The following ESCO1 variants were observed in gnomAD, a reference collection of about 807,000 sequenced individuals.
ESCO1 encodes N-acetyltransferase ESCO1.
Under a neutral mutation model 83.5 loss-of-function variants are expected in ESCO1, and 33 were observed. That is an observed-to-expected ratio of 0.40 (90% CI 0.30 to 0.53). The LOEUF (loss-of-function observed/expected upper bound fraction) is 0.53, where lower values mean the gene tolerates loss of function less well. ESCO1 is among the 20% of genes least tolerant of loss of function. The pLI is 0.63. For missense variants in ESCO1, 855 were observed against 968.0 expected (o/e 0.88, Z 1.55); for synonymous variants, 332 against 324.3 (o/e 1.02, Z -0.25).
At chr18:21,555,512 G>C (rs1203846000) in intron 8 of ESCO1, among the ~76,000 whole-genome samples, 1 of 152,202 alleles carries the variant, frequency 6.6e-6, no homozygotes, top group Non-Finnish European at 1.5e-5. Flanking sequence ...GAATTAAGGA[G>C]TATATGGGAA....
intron 10 of ESCO1, among the ~76,000 whole-genome samples, chr18:21,535,575 G>C (rs2037826342): frequency 6.6e-6 from 1 of 152,186 alleles, no homozygotes; most frequent in East Asian, 1.9e-4. Flanking sequence ...GTAGAGAAAG[G>C]GTTTCACCGT....
chr18:21,534,389 G>A (rs1348509033), intron 10 of ESCO1, among the ~76,000 whole-genome samples: 3 of 152,202 alleles, frequency 2.0e-5, no homozygotes, highest in Non-Finnish European at 2.9e-5. Context: ...AATGTACACT[G>A]AGTTCATGAG....
At chr18:21,538,473 T>C (rs147227761) in intron 9 of ESCO1, among the ~76,000 whole-genome samples, 6 of 152,310 alleles carry the variant, frequency 3.9e-5, no homozygotes, top group African/African-American at 1.4e-4. Flanking sequence ...CATGTTTACA[T>C]GTCACTGTAA....
intron 2 of ESCO1, among the ~76,000 whole-genome samples, chr18:21,576,407 A>G (rs371186618): frequency 1.3e-5 from 2 of 152,176 alleles, no homozygotes; most frequent in South Asian, 4.1e-4. Flanking sequence ...GGAGACTGAG[A>G]CAGGAGGATT....
chr18:21,548,996 C>T (rs2038011090), intron 8 of ESCO1, among the ~76,000 whole-genome samples: 1 of 151,842 alleles, frequency 6.6e-6, no homozygotes, highest in Non-Finnish European at 1.5e-5. Flanking sequence ...TTAACAGCTA[C>T]AGAGTTTTCT....
intron 10 of ESCO1, among the ~76,000 whole-genome samples, chr18:21,534,773 A>G (rs988383478): frequency 6.6e-6 from 1 of 151,846 alleles, no homozygotes; most frequent in African/African-American, 2.4e-5. Flanking sequence ...GATTACAGGC[A>G]CACACCACAT....
chr18:21,541,574 C>T, intron 8 of ESCO1, among the ~76,000 whole-genome samples: 1 of 115,102 alleles, frequency 8.7e-6, no homozygotes, highest in East Asian at 2.5e-4. Context: ...GCCTGGGTGA[C>T]AGAGCGAGAC....
At chr18:21,599,042 CA>C (rs34829152) in intron 1 of ESCO1, among the ~76,000 whole-genome samples, 1,621 of 127,466 alleles carry the variant, frequency 0.013, 13 homozygotes, top group Middle Eastern at 0.025. Context: ...TTTTGCTTTT[CA>C]AAAAAAAAAA....
At chr18:21,595,004 CCAT>C (rs999909642) in intron 1 of ESCO1, among the ~76,000 whole-genome samples, 2 of 150,386 alleles carry the variant, frequency 1.3e-5, no homozygotes, top group African/African-American at 4.9e-5. Context: ...GAGAGCACCA[CCAT>C]GTCTGGCTAG....
intron 8 of ESCO1, among the ~76,000 whole-genome samples, chr18:21,552,536 C>A (rs1293038984): frequency 3.9e-5 from 6 of 152,186 alleles, no homozygotes; most frequent in African/African-American, 7.2e-5. Flanking sequence ...GCCTTCCTAG[C>A]CATGCAGAAC....
intron 2 of ESCO1, among the ~76,000 whole-genome samples, chr18:21,580,878 T>C (rs1017802222): frequency 2.0e-5 from 3 of 152,072 alleles, no homozygotes; most frequent in Non-Finnish European, 2.9e-5. Flanking sequence ...TAATCCCAGC[T>C]ACTTGGGAAG....
Position 21,580,009 on chromosome 18 carries a change from C to T in ESCO1, c.-693-4232G>A, listed in dbSNP as rs556894027. ...CTCCCGGGTTCAAGCAATTCTCCTGCCTCAGCCTCCTGAGTAGCTGGGATT... is the reference window on the plus strand; with the variant it reads ...CTCCCGGGTTCAAGCAATTCTCCTGTCTCAGCCTCCTGAGTAGCTGGGATT... On this transcript the variant is annotated intron_variant, in intron 2 of 11. Coordinates refer to ENST00000269214, the MANE Select transcript of ESCO1 (RefSeq NM_052911.3). 4.0e-5 allele frequency among the ~76,000 whole-genome samples: 6 copies of T among 151,440 alleles called. No individual in the cohort carries two copies. The East Asian group carries it at 1.2e-3, about 30-fold the overall frequency.
intron 1 of ESCO1, among the ~76,000 whole-genome samples, chr18:21,590,763 T>C (rs988802107): frequency 4.0e-5 from 6 of 151,574 alleles, no homozygotes; most frequent in African/African-American, 1.5e-4. Context: ...TCCTGGCCAA[T>C]GTGAAGAAAC....
intron 8 of ESCO1, among the ~76,000 whole-genome samples, chr18:21,543,406 C>T (rs1568093927): frequency 6.6e-6 from 1 of 152,190 alleles, no homozygotes; most frequent in Non-Finnish European, 1.5e-5. Flanking sequence ...GATCCGCCAG[C>T]CTTGGCCTTC....
In ESCO1 at chr18:21,574,302, T is replaced by G. The variant is rs749565864; in HGVS notation, c.542A>C (p.Glu181Ala). Residue 181 changes from glutamate to alanine, a missense_variant, in exon 4 of 12, where the codon GAA becomes GCA. By Grantham distance (107) the Glu-to-Ala change is moderately radical. This residue lies in a region of ESCO1 where 726 missense variants were observed against 699.5 expected (regional missense o/e 1.04). Coordinates refer to ENST00000269214, the MANE Select transcript of ESCO1 (RefSeq NM_052911.3). ...SQKHVKRKVLEVKSDSKEDEN... is the reference protein window; with the variant it reads ...SQKHVKRKVLAVKSDSKEDEN... The stretch of plus-strand genomic sequence containing the variant: ...ATCTTCTTTAGAGTCAGACTTTACT[T>G]CCAGTACTTTTCTCTTCACATGTTT... 1 of 1,613,864 alleles carries G rather than the reference T, an allele frequency of 6.2e-7. No homozygotes were observed. Among genetic ancestry groups the G allele is most frequent in the Admixed American group, 1.7e-5 (1 of 59,950 alleles).
At chr18:21,559,543 G>T (rs2038156292) in intron 8 of ESCO1, among the ~76,000 whole-genome samples, 1 of 152,128 alleles carries the variant, frequency 6.6e-6, no homozygotes, top group African/African-American at 2.4e-5. Context: ...TATAATTTTA[G>T]GAAACTAAAT....
chr18:21,544,492 G>C lies in ESCO1; in HGVS notation c.1954-4483C>G, dbSNP rs377396111. On this transcript the variant is annotated intron_variant, in intron 8 of 11. Coordinates refer to ENST00000269214, the MANE Select transcript of ESCO1 (RefSeq NM_052911.3). ...AAAAAAACAAAAACTAGACAAGCGT[G>C]GTGGCATGCACCTGTAATCCCAGCT... is the stretch of plus-strand genomic sequence containing the variant. 3.3e-5 allele frequency among the ~76,000 whole-genome samples: 5 copies of C among 151,180 alleles called. No homozygotes were observed. In the East Asian group the frequency reaches 5.8e-4, roughly 18 times the overall value.
At chr18:21,561,029 A>C in intron 7 of ESCO1, 39 bp from the exon 8 acceptor site, 1 of 1,554,246 alleles carries the variant, frequency 6.4e-7, no homozygotes, top group Non-Finnish European at 8.6e-7. Context: ...TTTCCTCCCA[A>C]AAGAATTATT....
chr18:21,572,751 G>C (rs2038357089), intron 4 of ESCO1, among the ~76,000 whole-genome samples: 1 of 152,098 alleles, frequency 6.6e-6, no homozygotes, highest in African/African-American at 2.4e-5. Flanking sequence ...GATTACCTGA[G>C]GTCGGGAGTT....
Sources: gnomAD v4.1 joint callset for allele counts (sites outside exome capture counted in the v4.1 genomes callset) on GRCh38, gnomAD v4.1.1 for gene constraint, gnomAD v4.1.1 regional missense constraint, MANE v1.5 for transcripts, NCBI Gene and HGNC (gene_info 2026-07-23, HGNC 2026-07-21) for gene names.